Variants in CTNNA2 observed in about 807,000 individuals in gnomAD.
CTNNA2 encodes the protein catenin alpha-2.
CTNNA2 carries 42 observed loss-of-function variants against 101.0 expected under a neutral mutation model. That is an observed-to-expected ratio of 0.42 (90% CI 0.32 to 0.54). The LOEUF (loss-of-function observed/expected upper bound fraction) is 0.54. Among genes scored for constraint, CTNNA2 ranks in the 20% least tolerant of loss-of-function variants. The pLI is 0.14. For synonymous variants in CTNNA2, 450 were observed against 456.4 expected (o/e 0.99, Z 0.18); for missense variants, 871 against 1,223.1 (o/e 0.71, Z 4.29).
intron 7 of CTNNA2, among the ~76,000 whole-genome samples, chr2:79,975,928 G>A (rs1690807440): frequency 6.6e-6 from 1 of 152,150 alleles, no homozygotes; most frequent in Admixed American, 6.5e-5. Flanking sequence ...CGTTAGTGAG[G>A]CGCCCAACCT....
chr2:80,303,678 G>T lies in CTNNA2; in HGVS notation c.1057-89533G>T, dbSNP rs1333390360. 7 of 1,611,076 alleles carry T rather than the reference G, an allele frequency of 4.3e-6. No individual in the cohort carries two copies. The South Asian group carries it at 7.7e-5, about 18-fold the overall frequency. On this transcript the variant is annotated intron_variant, in intron 7 of 18. Transcript: ENST00000402739. The surrounding 1 kb of genome is among the most constrained non-coding windows in gnomAD (Gnocchi z 7.7). ...TTGAGCGCCTCGCAGTACAGCAGCC[G>T]CCCCTCGCACCGGCACAGCTGCGGG... is the stretch of plus-strand genomic sequence containing the variant.
At chr2:80,268,969 AT>A (rs1473967462) in intron 7 of CTNNA2, among the ~76,000 whole-genome samples, 20 of 152,190 alleles carry the variant, frequency 1.3e-4, no homozygotes, top group Non-Finnish European at 1.5e-5. Context: ...AGCAAAGTTC[AT>A]GCAAGTGAGA....
intron 9 of CTNNA2, among the ~76,000 whole-genome samples, chr2:80,507,364 T>C (rs1423209929): frequency 2.6e-5 from 4 of 152,178 alleles, no homozygotes; most frequent in African/African-American, 9.6e-5. Context: ...ACTAGTTATA[T>C]GAAAAGTGAA....
At chr2:79,365,111 C>T (rs1677715007) in intron 3 of CTNNA2, among the ~76,000 whole-genome samples, 1 of 151,810 alleles carries the variant, frequency 6.6e-6, no homozygotes, top group African/African-American at 2.4e-5. Flanking sequence ...CCCGCCTCTA[C>T]TAAAAATACA....
intron 4 of CTNNA2, among the ~76,000 whole-genome samples, chr2:79,413,691 G>A (rs1264005269): frequency 6.6e-6 from 1 of 151,840 alleles, no homozygotes; most frequent in Non-Finnish European, 1.5e-5. Context: ...TAGTGTGCAA[G>A]GGTTCCCTTA....
chr2:80,638,805 A>G (rs965041830), intron 18 of CTNNA2, among the ~76,000 whole-genome samples: 4 of 152,246 alleles, frequency 2.6e-5, no homozygotes, highest in African/African-American at 7.2e-5. Flanking sequence ...ACCTATGTAA[A>G]TGAATTAAAA....
At chr2:79,551,225 T>A (rs1282856019) in intron 1 of CTNNA2, among the ~76,000 whole-genome samples, 1 of 151,992 alleles carries the variant, frequency 6.6e-6, no homozygotes, top group Non-Finnish European at 1.5e-5. Flanking sequence ...GGAGCATCTG[T>A]GATTATCTGT....
intron 4 of CTNNA2, among the ~76,000 whole-genome samples, chr2:79,424,290 A>C (rs1678570426): frequency 6.6e-6 from 1 of 152,152 alleles, no homozygotes; most frequent in Non-Finnish European, 1.5e-5. Flanking sequence ...ATTCTCTCTG[A>C]GTTTTCTTCA....
chr2:79,597,604 A>G (rs929456108), intron 1 of CTNNA2, among the ~76,000 whole-genome samples: 3 of 152,182 alleles, frequency 2.0e-5, no homozygotes, highest in Admixed American at 2.0e-4. Flanking sequence ...GCAAGGTCCT[A>G]TAAAATATTT....
intron 3 of CTNNA2, among the ~76,000 whole-genome samples, chr2:79,834,919 T>C (rs1679203306): frequency 6.6e-6 from 1 of 152,148 alleles, no homozygotes; most frequent in Non-Finnish European, 1.5e-5. Flanking sequence ...AGTCAATATT[T>C]AGCACTGTTT....
chr2:80,518,734 G>A (rs1370014031), intron 9 of CTNNA2, among the ~76,000 whole-genome samples: 1 of 152,026 alleles, frequency 6.6e-6, no homozygotes, highest in African/African-American at 2.4e-5. Context: ...ATGAGTAAAT[G>A]TGAATTAGTT....
chr2:79,809,703 A>G (rs1676855970), intron 3 of CTNNA2, among the ~76,000 whole-genome samples: 1 of 152,142 alleles, frequency 6.6e-6, no homozygotes, highest in Non-Finnish European at 1.5e-5. Flanking sequence ...TCAGATAGAT[A>G]GATTGCAAAA....
At chr2:79,242,460 C>A (rs1267607672) in intron 2 of CTNNA2, among the ~76,000 whole-genome samples, 1 of 152,080 alleles carries the variant, frequency 6.6e-6, no homozygotes, top group African/African-American at 2.4e-5. Context: ...ACTATTCCTT[C>A]TAACTTTGCG....
intron 7 of CTNNA2, 101 bp downstream of exon 7, chr2:79,909,898 G>C (rs745529263): frequency 6.9e-5 from 85 of 1,223,640 alleles, no homozygotes; most frequent in Admixed American, 1.8e-4. Flanking sequence ...AACAGACCAG[G>C]TGTTTACCAA....
At chr2:79,326,300 C>CAAAAA (rs72151080) in intron 3 of CTNNA2, among the ~76,000 whole-genome samples, 201 of 118,974 alleles carry the variant, frequency 1.7e-3, no homozygotes, top group African/African-American at 5.9e-3. Context: ...AACAAACAAG[C>CAAAAA]AAAAAAAAAA....
At chr2:79,701,354 T>C (rs1684989499) in intron 2 of CTNNA2, among the ~76,000 whole-genome samples, 1 of 152,144 alleles carries the variant, frequency 6.6e-6, no homozygotes, top group Non-Finnish European at 1.5e-5. Flanking sequence ...ATCATGCAGC[T>C]AAACGGGACC....
intron 2 of CTNNA2, among the ~76,000 whole-genome samples, chr2:79,303,075 G>A (rs1332317371): frequency 6.6e-6 from 1 of 152,158 alleles, no homozygotes; most frequent in East Asian, 1.9e-4. Context: ...TTTGACTGCA[G>A]GAGACAGGCA....
intron 4 of CTNNA2, among the ~76,000 whole-genome samples, chr2:79,457,400 G>GAACAC (rs1670837406): frequency 6.6e-6 from 1 of 151,930 alleles, no homozygotes; most frequent in African/African-American, 2.4e-5. Context: ...TCACAGTGTT[G>GAACAC]TGTGACCTGT....
At chr2:79,235,573 A>G (rs1674545645) in intron 2 of CTNNA2, among the ~76,000 whole-genome samples, 1 of 152,138 alleles carries the variant, frequency 6.6e-6, no homozygotes, top group African/African-American at 2.4e-5. Context: ...CAGACTGGCC[A>G]TATCCTTGAC....
Sources: gnomAD v4.1 joint callset for allele counts (sites outside exome capture counted in the v4.1 genomes callset) on GRCh38, gnomAD v4.1.1 for gene constraint, Gnocchi (gnomAD v3.1) non-coding constraint, MANE v1.5 for transcripts, NCBI Gene and HGNC (gene_info 2026-07-23, HGNC 2026-07-21) for gene names.